Variants in PTPRD observed in about 807,000 individuals in gnomAD.
The protein encoded by PTPRD is protein tyrosine phosphatase receptor type D, also known as receptor-type tyrosine-protein phosphatase delta.
A neutral mutation model predicts 214.5 loss-of-function variants in PTPRD; 34 were observed. The observed-to-expected ratio is 0.16, with a 90% CI of 0.12 to 0.21. The LOEUF is 0.21. Among genes scored for constraint, PTPRD ranks in the 10% least tolerant of loss-of-function variants. The pLI, the probability that PTPRD is intolerant of heterozygous loss-of-function variation, is 1.00. For missense variants in PTPRD, 2,545 were observed against 2,398.7 expected, an observed-to-expected ratio of 1.06 and a Z score of -1.27; for synonymous variants, 1,128 against 845.7, an observed-to-expected ratio of 1.33 and a Z score of -5.79.
At chr9:8,369,875 T>C (rs2080997355) in intron 39 of PTPRD, among the ~76,000 whole-genome samples, 1 of 152,026 alleles carries the variant, frequency 6.6e-6, no homozygotes, top group Non-Finnish European at 1.5e-5. Context: ...TACAGCTTTT[T>C]CCCAATGTAT....
At chr9:9,168,328 T>A (rs2099908055) in intron 10 of PTPRD, among the ~76,000 whole-genome samples, 1 of 152,218 alleles carries the variant, frequency 6.6e-6, no homozygotes, top group South Asian at 2.1e-4. Context: ...TTTACTTTTT[T>A]AACATTTATT....
At chr9:10,204,530 T>C (rs1378150131) in intron 3 of PTPRD, among the ~76,000 whole-genome samples, 2 of 152,112 alleles carry the variant, frequency 1.3e-5, no homozygotes, top group South Asian at 2.1e-4. Flanking sequence ...AGCAGATAAA[T>C]TGAGATGATA....
At chr9:9,760,653 CATAT>C (rs142175928) in intron 6 of PTPRD, among the ~76,000 whole-genome samples, 17 of 61,390 alleles carry the variant, frequency 2.8e-4, no homozygotes, top group East Asian at 1.5e-3. Flanking sequence ...CACACACACA[CATAT>C]ATATATATAT....
At chr9:10,512,897 GA>G (rs35963359) in intron 2 of PTPRD, among the ~76,000 whole-genome samples, 45,827 of 150,554 alleles carry the variant, frequency 0.3, 7,001 homozygotes, top group South Asian at 0.44. Flanking sequence ...AGAAAGGAAA[GA>G]AAAAAAAATA....
intron 39 of PTPRD, among the ~76,000 whole-genome samples, chr9:8,358,479 T>A (rs1206018910): frequency 6.6e-6 from 1 of 152,226 alleles, no homozygotes; most frequent in Non-Finnish European, 1.5e-5. Flanking sequence ...ATACTAACTC[T>A]GGCTCTTCCA....
At chr9:9,058,237 A>G (rs1374622421) in intron 10 of PTPRD, among the ~76,000 whole-genome samples, 1 of 152,086 alleles carries the variant, frequency 6.6e-6, no homozygotes, top group African/African-American at 2.4e-5. Flanking sequence ...AATTTCACCT[A>G]TCAACCGAGA....
chr9:8,632,405 T>C (rs982672653), intron 14 of PTPRD, among the ~76,000 whole-genome samples: 2 of 151,988 alleles, frequency 1.3e-5, no homozygotes, highest in African/African-American at 4.8e-5. Context: ...ATGATTCTGA[T>C]TGTTTCCTTT....
chr9:10,166,679 T>A (rs1168543192), intron 3 of PTPRD, among the ~76,000 whole-genome samples: 1 of 152,058 alleles, frequency 6.6e-6, no homozygotes, highest in Non-Finnish European at 1.5e-5. Context: ...TAAACAAAAT[T>A]GTTCTTCTTC....
intron 14 of PTPRD, among the ~76,000 whole-genome samples, chr9:8,567,009 C>T (rs1011584858): frequency 2.0e-5 from 3 of 152,114 alleles, no homozygotes; most frequent in African/African-American, 4.8e-5. Context: ...ACATAAACTC[C>T]GTAAAACCAC....
At chr9:8,753,744 T>C (rs2093734414) in intron 11 of PTPRD, among the ~76,000 whole-genome samples, 1 of 152,204 alleles carries the variant, frequency 6.6e-6, no homozygotes, top group Non-Finnish European at 1.5e-5. Flanking sequence ...ACTAAAAATG[T>C]AACAAAAGTT....
intron 8 of PTPRD, among the ~76,000 whole-genome samples, chr9:9,459,992 T>C (rs775893173): frequency 1.3e-5 from 2 of 151,818 alleles, no homozygotes; most frequent in African/African-American, 4.8e-5. Flanking sequence ...GGTACAAAAA[T>C]AGACACATCG....
chr9:8,960,338 G>T lies in PTPRD; in HGVS notation c.-104+58359C>A, dbSNP rs372758588. Among the ~76,000 whole-genome samples, 13 of 152,054 alleles carry T rather than the reference G, an allele frequency of 8.5e-5. No homozygotes were observed. In the East Asian group the frequency reaches 2.5e-3, roughly 29 times the overall value. On this transcript the variant is annotated intron_variant, in intron 11 of 45. Coordinates refer to ENST00000381196, the MANE Select transcript of PTPRD (RefSeq NM_002839.4). ...AGTTAGAAATGTGTGGAGCTGCAGT[G>T]TAATGGTAGAATAACTGGGCTGCCA... is the stretch of plus-strand genomic sequence containing the variant.
At chr9:9,841,094 T>G (rs1021506489) in intron 5 of PTPRD, among the ~76,000 whole-genome samples, 1 of 152,212 alleles carries the variant, frequency 6.6e-6, no homozygotes, top group Non-Finnish European at 1.5e-5. Flanking sequence ...TTGTCTATTT[T>G]TCTTGTTAAA....
chr9:10,283,514 T>C (rs2095229382), intron 3 of PTPRD, among the ~76,000 whole-genome samples: 1 of 152,214 alleles, frequency 6.6e-6, no homozygotes, highest in African/African-American at 2.4e-5. Flanking sequence ...TAGTTATTGG[T>C]AAGTCTGAGC....
At chr9:9,661,490 G>A (rs1338088229) in intron 7 of PTPRD, among the ~76,000 whole-genome samples, 1 of 151,660 alleles carries the variant, frequency 6.6e-6, no homozygotes, top group Non-Finnish European at 1.5e-5. Flanking sequence ...GACAATAATT[G>A]CTACCATTTA....
At chr9:9,242,663 A>C (rs1441229270) in intron 9 of PTPRD, among the ~76,000 whole-genome samples, 1 of 152,092 alleles carries the variant, frequency 6.6e-6, no homozygotes, top group African/African-American at 2.4e-5. Context: ...TTCGTCACGT[A>C]GTTCTTGTGC....
At chr9:9,292,856 T>A (rs1238056439) in intron 9 of PTPRD, among the ~76,000 whole-genome samples, 12 of 151,494 alleles carry the variant, frequency 7.9e-5, no homozygotes, top group African/African-American at 2.9e-4. Context: ...TTTGTTTGTT[T>A]GTTTGTTTTC....
chr9:9,881,644 A>G (rs2068726680), intron 5 of PTPRD, among the ~76,000 whole-genome samples: 1 of 152,068 alleles, frequency 6.6e-6, no homozygotes, highest in African/African-American at 2.4e-5. Flanking sequence ...AGCTGGAGGG[A>G]TTTATGAACC....
intron 3 of PTPRD, among the ~76,000 whole-genome samples, chr9:10,093,794 A>G: frequency 6.6e-6 from 1 of 151,442 alleles, no homozygotes; most frequent in Non-Finnish European, 1.5e-5. Context: ...AGTAACATGG[A>G]TGCAGCTGGA....
Sources: allele counts gnomAD v4.1 joint callset (sites outside exome capture counted in the v4.1 genomes callset), GRCh38; gene constraint gnomAD v4.1.1; transcripts MANE v1.5; gene names NCBI Gene and HGNC (gene_info 2026-07-23, HGNC 2026-07-21).